The following JARID2 variants were observed in gnomAD, a reference collection of about 807,000 sequenced individuals.
JARID2 encodes the protein jumonji and AT-rich interaction domain containing 2, also known as protein Jumonji.
Under a neutral mutation model 125.6 loss-of-function variants are expected in JARID2, and 21 were observed. The ratio of observed to expected loss-of-function variants is 0.17; its 90% CI spans 0.12 to 0.24. The LOEUF (loss-of-function observed/expected upper bound fraction) is 0.24, where lower values mean the gene tolerates loss of function less well. Ranked by LOEUF, JARID2 falls within the 10% of genes least tolerant of loss-of-function variation. The pLI is 1.00. For missense variants in JARID2, 1,303 were observed against 1,639.6 expected (o/e 0.79, Z 3.55); for synonymous variants, 736 against 661.6 (o/e 1.11, Z -1.73).
intron 4 of JARID2, among the ~76,000 whole-genome samples, chr6:15,467,223 A>G (rs1338460775): frequency 6.6e-6 from 1 of 152,208 alleles, no homozygotes; most frequent in Non-Finnish European, 1.5e-5. Flanking sequence ...CTGAGCATAT[A>G]TAGTTCCGAA....
At chr6:15,353,332 A>G (rs1046363313) in intron 1 of JARID2, among the ~76,000 whole-genome samples, 3 of 152,230 alleles carry the variant, frequency 2.0e-5, no homozygotes, top group Admixed American at 6.5e-5. Context: ...GTTCACTTAT[A>G]TACATTACAG....
intron 1 of JARID2, among the ~76,000 whole-genome samples, chr6:15,251,730 G>A (rs1183938117): frequency 6.7e-6 from 1 of 149,084 alleles, no homozygotes; most frequent in Non-Finnish European, 1.5e-5. Flanking sequence ...TGTAATCCCA[G>A]CACTTTGGGA....
At chr6:15,501,524 AGG>A in intron 8 of JARID2, 115 bp downstream of exon 8, 16 of 1,031,430 alleles carry the variant, frequency 1.6e-5, no homozygotes, top group Non-Finnish European at 2.2e-5. Flanking sequence ...TGGGGTGATG[AGG>A]GGGCGGGCCA....
chr6:15,371,783 T>C (rs1257273502), intron 1 of JARID2, among the ~76,000 whole-genome samples: 1 of 152,244 alleles, frequency 6.6e-6, no homozygotes, highest in Non-Finnish European at 1.5e-5. Flanking sequence ...CAAGGTTTGC[T>C]GGCTTCTCTT....
At chr6:15,483,874 TAC>T (rs1156768700) in intron 5 of JARID2, among the ~76,000 whole-genome samples, 2 of 152,208 alleles carry the variant, frequency 1.3e-5, no homozygotes, top group Non-Finnish European at 2.9e-5. Flanking sequence ...GTGTGAGGGT[TAC>T]AGTTTCTCCA....
intron 2 of JARID2, among the ~76,000 whole-genome samples, chr6:15,401,802 T>C (rs1241102506): frequency 6.6e-6 from 1 of 152,144 alleles, no homozygotes; most frequent in Non-Finnish European, 1.5e-5. Context: ...CCTATAGTGC[T>C]GCTTTCTGTA....
At chr6:15,395,988 C>G (rs1487280741) in intron 2 of JARID2, among the ~76,000 whole-genome samples, 1 of 152,128 alleles carries the variant, frequency 6.6e-6, no homozygotes, top group Non-Finnish European at 1.5e-5. Context: ...TACAGTTTTC[C>G]TTTCTTCACT....
intron 5 of JARID2, among the ~76,000 whole-genome samples, chr6:15,484,524 T>C (rs1198269373): frequency 1.3e-5 from 2 of 152,226 alleles, no homozygotes; most frequent in African/African-American, 2.4e-5. Context: ...GATGGCCCTT[T>C]TAAACATGCA....
intron 4 of JARID2, among the ~76,000 whole-genome samples, chr6:15,462,002 A>G (rs1029555019): frequency 2.0e-5 from 3 of 151,956 alleles, no homozygotes; most frequent in African/African-American, 4.8e-5. Flanking sequence ...TGCTCATGCT[A>G]TTGAGGGCTG....
rs760457741 is a variant in JARID2, at chr6:15,520,139, G to T, written c.3629G>T (p.Cys1210Phe). The change falls in exon 18 of 18, where the codon TGT (cysteine) becomes TTT (phenylalanine). Residue 1210 changes from cysteine to phenylalanine, a missense_variant. By Grantham distance (205) the Cys-to-Phe change is radical (BLOSUM62 -2). Transcript: ENST00000341776. ...GGTAAAAACGGCAGCATTGAGAACT[G>T]TCTCAGTAAACCCACACCAAAAAGA... ...VSGKNGSIEN[C>F]LSKPTPKRGP... 1 of 1,614,000 alleles carries T rather than the reference G, an allele frequency of 6.2e-7. No homozygotes were observed. Among genetic ancestry groups the T allele is most frequent in the South Asian group, 1.1e-5 (1 of 91,060 alleles).
intron 1 of JARID2, among the ~76,000 whole-genome samples, chr6:15,347,324 G>GC (rs1351580130): frequency 6.6e-6 from 1 of 152,190 alleles, no homozygotes; most frequent in African/African-American, 2.4e-5. Context: ...AGGACTTAAC[G>GC]AGAATGTGTG....
intron 2 of JARID2, among the ~76,000 whole-genome samples, chr6:15,377,374 C>A (rs929914154): frequency 6.6e-6 from 1 of 152,174 alleles, no homozygotes; most frequent in Non-Finnish European, 1.5e-5. Context: ...TCAATTACCT[C>A]CTCCTGGGTC....
chr6:15,466,585 CTT>C (rs1328838161), intron 4 of JARID2, among the ~76,000 whole-genome samples: 2 of 152,130 alleles, frequency 1.3e-5, no homozygotes, highest in Non-Finnish European at 2.9e-5. Context: ...TGTAGTTACT[CTT>C]GTTTTTTCAT....
chr6:15,511,500 C>T, intron 13 of JARID2, 99 bp downstream of exon 13: 5 of 780,330 alleles, frequency 6.4e-6, no homozygotes, highest in Admixed American at 5.9e-5. Flanking sequence ...GCAATGAGGA[C>T]ACAGCAAAAC....
chr6:15,323,001 A>G (rs924722031), intron 1 of JARID2, among the ~76,000 whole-genome samples: 1 of 152,242 alleles, frequency 6.6e-6, no homozygotes, highest in Non-Finnish European at 1.5e-5. Flanking sequence ...ACTGTATGCA[A>G]TTTGGTCGTA....
intron 1 of JARID2, among the ~76,000 whole-genome samples, chr6:15,352,724 C>T (rs1763471310): frequency 6.6e-6 from 1 of 152,182 alleles, no homozygotes; most frequent in African/African-American, 2.4e-5. Flanking sequence ...AGTTCAAAGG[C>T]AGGGTGCAAC....
chr6:15,374,629 G>A (rs193163006), intron 2 of JARID2, among the ~76,000 whole-genome samples: 7 of 152,286 alleles, frequency 4.6e-5, no homozygotes, highest in African/African-American at 1.7e-4. Flanking sequence ...TCTGTCTACT[G>A]CTTTTCCTGC....
chr6:15,339,661 G>C (rs796806294), intron 1 of JARID2, among the ~76,000 whole-genome samples: 4 of 151,748 alleles, frequency 2.6e-5, no homozygotes, highest in African/African-American at 9.7e-5. Flanking sequence ...TCAGCCTCCT[G>C]AGTAGCTGGG....
rs35030463 is a variant in JARID2, at chr6:15,253,090, GTCTC to G, written c.45+6515_45+6518del. On this transcript the variant is annotated intron_variant, in intron 1 of 17. Transcript: ENST00000341776. Reference sequence around the variant, plus strand: ...GGATTTTTTTTTTTGAGACAGAGGAGTCTCTCTCTCTCACCCAGGCTGGAGTGCA... The same window carrying G: ...GGATTTTTTTTTTTGAGACAGAGGAGTCTCTCTCACCCAGGCTGGAGTGCA... Among the ~76,000 whole-genome samples, 451 of 151,124 alleles carry G rather than the reference GTCTC, an allele frequency of 3.0e-3. 1 individual carries two copies. Among genetic ancestry groups the G allele is most frequent in the Non-Finnish European group, 4.1e-3 (275 of 67,852 alleles).
Sources: allele counts gnomAD v4.1 joint callset (sites outside exome capture counted in the v4.1 genomes callset), GRCh38; gene constraint gnomAD v4.1.1; transcripts MANE v1.5; gene names NCBI Gene and HGNC (gene_info 2026-07-23, HGNC 2026-07-21).